The following MSI1 variants were observed in gnomAD, a reference collection of about 807,000 sequenced individuals.
The protein encoded by MSI1 is musashi RNA binding protein 1, also known as RNA-binding protein Musashi homolog 1.
Under a neutral mutation model 54.4 loss-of-function variants are expected in MSI1, and 15 were observed. The observed-to-expected ratio is 0.28, with a 90% CI of 0.18 to 0.42. The LOEUF (loss-of-function observed/expected upper bound fraction) is 0.42, where lower values mean the gene tolerates loss of function less well. Among genes scored for constraint, MSI1 ranks in the 20% least tolerant of loss-of-function variants. The probability of loss-of-function intolerance (pLI) is 1.00; values close to 1 mark genes in which losing one functional copy is unlikely to be tolerated. For missense variants in MSI1, 304 were observed against 506.0 expected (o/e 0.60, Z 3.83); for synonymous variants, 200 against 196.5 (o/e 1.02, Z -0.15).
chr12:120,351,853 C>T (rs1431750643), intron 10 of MSI1, among the ~76,000 whole-genome samples: 2 of 151,296 alleles, frequency 1.3e-5, no homozygotes, highest in Admixed American at 6.6e-5. Context: ...AGACTACAGG[C>T]GCCCGCCACC....
intron 12 of MSI1, among the ~76,000 whole-genome samples, chr12:120,347,098 C>T (rs534950514): frequency 2.6e-5 from 4 of 152,254 alleles, no homozygotes; most frequent in East Asian, 3.9e-4. Context: ...TACAGGCGCG[C>T]ACCACCACGC....
intron 10 of MSI1, among the ~76,000 whole-genome samples, 160 bp downstream of exon 10, chr12:120,353,139 G>A (rs1353431557): frequency 6.9e-6 from 1 of 144,084 alleles, no homozygotes; most frequent in Non-Finnish European, 1.5e-5. Flanking sequence ...GTTTGGGGGG[G>A]ATGGGTGGGG....
At chr12:120,360,072 G>T (rs1359579255) in intron 6 of MSI1, among the ~76,000 whole-genome samples, 1 of 151,746 alleles carries the variant, frequency 6.6e-6, no homozygotes, top group Admixed American at 6.6e-5. Flanking sequence ...TGCAGCCCCC[G>T]CCTCCCAGGT....
At chr12:120,363,425 G>C (rs772360651) in intron 5 of MSI1, among the ~76,000 whole-genome samples, 53 of 152,070 alleles carry the variant, frequency 3.5e-4, no homozygotes, top group Non-Finnish European at 6.8e-4. Flanking sequence ...GGAAGGGGGC[G>C]GGCCAGTGAC....
intron 9 of MSI1, among the ~76,000 whole-genome samples, chr12:120,355,361 C>T (rs2136945068): frequency 6.7e-6 from 1 of 149,938 alleles, no homozygotes; most frequent in African/African-American, 2.5e-5. Flanking sequence ...GCCAAGATCC[C>T]GCCACTGCAG....
intron 6 of MSI1, among the ~76,000 whole-genome samples, chr12:120,360,340 G>T (rs879914721): frequency 6.6e-6 from 1 of 152,110 alleles, no homozygotes; most frequent in South Asian, 2.1e-4. Context: ...CTGAACTACC[G>T]TGATCCTCCA....
chr12:120,351,420 A>G lies in MSI1; in HGVS notation c.734-20T>C. The G allele has an allele frequency of 1.2e-6, 2 of 1,612,242 alleles. No homozygotes were observed. Among genetic ancestry groups the G allele is most frequent in the East Asian group, 2.2e-5 (1 of 44,798 alleles). On this transcript the variant is annotated intron_variant, in intron 10 of 14. Transcript: ENST00000257552. ...GGAATTCTAAAATGAAACGTAAAAC[A>G]GCTTAGGAAGAAGCAGGGGAGGCCC...
At chr12:120,367,186 C>A (rs1025816686) in intron 4 of MSI1, among the ~76,000 whole-genome samples, 40 of 152,006 alleles carry the variant, frequency 2.6e-4, no homozygotes, top group African/African-American at 9.7e-4. Flanking sequence ...AGCAGAGAGG[C>A]CCAAGGCTGG....
intron 6 of MSI1, among the ~76,000 whole-genome samples, chr12:120,360,475 C>T (rs1298466330): frequency 6.6e-6 from 1 of 152,194 alleles, no homozygotes; most frequent in African/African-American, 2.4e-5. Flanking sequence ...CAAAGAGCTG[C>T]CTGTACTGGG....
In MSI1 at chr12:120,363,024, G is replaced by GC. The variant is rs781557356; in HGVS notation, c.402+18dup. On this transcript the variant is annotated intron_variant, in intron 6 of 14. Transcript: ENST00000257552. Reference sequence around the variant, plus strand: ...TGTGTTCACAGCCCCAGCAGCAAGCGCCCCCAGTTTAAACCCACCTTCCCA... The same window carrying GC: ...TGTGTTCACAGCCCCAGCAGCAAGCGCCCCCCAGTTTAAACCCACCTTCCCA... 1 of 1,604,730 alleles carries GC rather than the reference G, an allele frequency of 6.2e-7. No individual in the cohort carries two copies.
At chr12:120,348,239 A>G (rs1193323492) in intron 11 of MSI1, among the ~76,000 whole-genome samples, 1 of 152,186 alleles carries the variant, frequency 6.6e-6, no homozygotes, top group African/African-American at 2.4e-5. Flanking sequence ...CCACCTCTGC[A>G]GCACCTAGCA....
At chr12:120,362,894 G>A in intron 6 of MSI1, 149 bp downstream of exon 6, 2 of 668,594 alleles carry the variant, frequency 3.0e-6, no homozygotes, top group Non-Finnish European at 2.6e-6. Flanking sequence ...GCTGCAAGGT[G>A]GATTGGCCTG....
intron 11 of MSI1, among the ~76,000 whole-genome samples, chr12:120,347,760 C>G (rs1874258407): frequency 6.6e-6 from 1 of 152,190 alleles, no homozygotes; most frequent in Admixed American, 6.5e-5. Context: ...AATTTCTCCC[C>G]TGGTCTGGGG....
Position 120,342,316 on chromosome 12 carries a change from G to C in MSI1, c.*811C>G, listed in dbSNP as rs550847769. ...GAGGGCCTGAGAGAGCGGGCCTGCC[G>C]TGGCCACAGCTGAGGCCTGCAAGCT... On this transcript the variant is annotated 3_prime_UTR_variant, in exon 15 of 15. Coordinates refer to ENST00000257552, the MANE Select transcript of MSI1 (RefSeq NM_002442.4). 6.5e-6 allele frequency: 1 copy of C among 152,758 alleles called. No homozygotes were observed. Among genetic ancestry groups the C allele is most frequent in the Admixed American group, 6.5e-5 (1 of 15,286 alleles). The allele number at this position is 152,758 out of a possible 1,614,324, so 9.5% of individuals were successfully genotyped here.
intron 9 of MSI1, among the ~76,000 whole-genome samples, chr12:120,354,015 C>T (rs1163340429): frequency 6.6e-6 from 1 of 152,008 alleles, no homozygotes; most frequent in African/African-American, 2.4e-5. Flanking sequence ...CAGGATCTTG[C>T]TCTTTTGCCC....
chr12:120,347,411 C>T, intron 12 of MSI1, 35 bp downstream of exon 12: 1 of 1,613,328 alleles, frequency 6.2e-7, no homozygotes, highest in Non-Finnish European at 8.5e-7. Flanking sequence ...CCCTGTGCTC[C>T]CTCATCTCTC....
chr12:120,356,947 T>C lies in MSI1; in HGVS notation c.607A>G (p.Met203Val). 1.2e-6 allele frequency: 2 copies of C among 1,614,246 alleles called. No individual in the cohort carries two copies. The highest frequency in any genetic ancestry group is 1.3e-5 in the African/African-American group (1 of 75,076). ...TGSARGRSRV[M>V]PYGMDAFMLG... ...ATGAAGGCGTCCATTCCGTAGGGCA[T>C]GACTCGAGACCTCCCCCGGGCTGAG... Residue 203 changes from methionine (M) to valine (V), a missense_variant, in exon 9 of 15, where the codon ATG becomes GTG. By Grantham distance (21) the Met-to-Val change is conservative. Transcript: ENST00000257552.
In MSI1 at chr12:120,351,344, C is replaced by A. The variant is rs1214346159; in HGVS notation, c.790G>T (p.Ala264Ser). ...PSAPVLPELT[A>S]IPLTAYGPMA... ...GGTATACAAAATCCGAGCGACTGAC[C>A]TGTAAGCTCGGGGAGGACTGGGGCG... Residue 264 changes from alanine to serine, a missense_variant and splice_region_variant, in exon 11 of 15, where the codon GCC (alanine) becomes TCC (serine). This residue lies in a region of MSI1 where 147 missense variants were observed against 231.5 expected (regional missense o/e 0.64). Coordinates refer to ENST00000257552, the MANE Select transcript of MSI1 (RefSeq NM_002442.4). The A allele has an allele frequency of 6.2e-7, 1 of 1,613,224 alleles. No individual in the cohort carries two copies. Among genetic ancestry groups the A allele is most frequent in the Non-Finnish European group, 8.5e-7 (1 of 1,179,744 alleles).
Position 120,351,413 on chromosome 12 carries a change from G to A in MSI1, c.734-13C>T, listed in dbSNP as rs376647526. The A allele has an allele frequency of 3.8e-5, 61 of 1,612,878 alleles. No individual in the cohort carries two copies. Among genetic ancestry groups the A allele is most frequent in the East Asian group, 2.2e-4 (10 of 44,818 alleles). On this transcript the variant is annotated splice_polypyrimidine_tract_variant and intron_variant, in intron 10 of 14. Coordinates refer to ENST00000257552, the MANE Select transcript of MSI1 (RefSeq NM_002442.4). The stretch of plus-strand genomic sequence containing the variant: ...TCTACACGGAATTCTAAAATGAAAC[G>A]TAAAACAGCTTAGGAAGAAGCAGGG...
Sources: allele counts gnomAD v4.1 joint callset (sites outside exome capture counted in the v4.1 genomes callset), GRCh38; gene constraint gnomAD v4.1.1; regional missense constraint gnomAD v4.1.1; transcripts MANE v1.5; gene names NCBI Gene and HGNC (gene_info 2026-07-23, HGNC 2026-07-21).